The following PM20D2 variants were observed in gnomAD, a reference collection of about 807,000 sequenced individuals.
The protein encoded by PM20D2 is xaa-Arg dipeptidase.
A neutral mutation model predicts 42.9 loss-of-function variants in PM20D2; 33 were observed. The ratio of observed to expected loss-of-function variants is 0.77; its 90% CI spans 0.58 to 1.03. PM20D2 has a LOEUF of 1.03. PM20D2 is among the 50% of genes least tolerant of loss of function. The pLI is 0.00. For missense variants in PM20D2, 548 were observed against 557.0 expected, an observed-to-expected ratio of 0.98 and a Z score of 0.16; for synonymous variants, 250 against 228.2, an observed-to-expected ratio of 1.10 and a Z score of -0.86.
At chr6:89,137,184 T>C in the PM20D2 span, among the ~76,000 whole-genome samples, 2 of 144,904 alleles carry the variant, frequency 1.4e-5, no homozygotes, top group African/African-American at 5.8e-5. Context: ...AAATATACAG[T>C]GAAGCTAATA....
chr6:89,158,341 G>T lies in PM20D2; in HGVS notation c.929G>T (p.Gly310Val). ...TTTTATTAGGTGGAAATTAAAGGTG[G>T]AGCACATGATTATTACAATGTTCTT... ...ASGCTVEIKGGAHDYYNVLPN... is the reference protein window; with the variant it reads ...ASGCTVEIKGVAHDYYNVLPN... The change falls in exon 5 of 7, where the codon GGA becomes GTA. Residue 310 changes from glycine (G) to valine (V), a missense_variant. Transcript: ENST00000275072. 1 of 1,582,278 alleles carries T rather than the reference G, an allele frequency of 6.3e-7. No homozygotes were observed. The highest frequency in any genetic ancestry group is 1.2e-5 in the South Asian group (1 of 85,232).
At chr6:89,099,435 T>TACACAC in the PM20D2 span, among the ~76,000 whole-genome samples, 127 of 134,610 alleles carry the variant, frequency 9.4e-4, 1 homozygote, top group Middle Eastern at 3.6e-3. Flanking sequence ...TGTGTGTATA[T>TACACAC]ATATACACAT....
At chr6:89,145,814 A>T (rs1035302657), upstream of PM20D2, among the ~76,000 whole-genome samples, 3 of 152,238 alleles carry the variant, frequency 2.0e-5, no homozygotes, top group Non-Finnish European at 4.4e-5. Context: ...GTGGGAAATA[A>T]GCAACAACGG....
intron 1 of PM20D2, among the ~76,000 whole-genome samples, chr6:89,147,100 A>G (rs1770607997): frequency 6.6e-6 from 1 of 152,240 alleles, no homozygotes; most frequent in Admixed American, 6.5e-5. Context: ...TTTGGATAGG[A>G]ATTTTCAGTC....
Position 89,147,961 on chromosome 6 carries a change from C to T in PM20D2, c.466-1304C>T, listed in dbSNP as rs143765813. ...GTAGAACCGCCAAAAAAAAGCTAAA[C>T]TTTGAGAAATGTACACTCTTTTTTT... On this transcript the variant is annotated intron_variant, in intron 1 of 6. Transcript: ENST00000275072. 3.5e-3 allele frequency among the ~76,000 whole-genome samples: 510 copies of T among 144,406 alleles called. 5 individuals carry two copies. Among genetic ancestry groups the T allele is most frequent in the African/African-American group, 0.012 (476 of 39,156 alleles). 94.7% of individuals were successfully genotyped at this position (144,406 alleles called of 152,430 possible).
At chr6:89,104,986 G>A in the PM20D2 span, 2 of 850,570 alleles carry the variant, frequency 2.4e-6, no homozygotes, top group African/African-American at 1.7e-5. Context: ...AGTCTAGGAG[G>A]TCAAGTCTAC....
the PM20D2 span, among the ~76,000 whole-genome samples, chr6:89,130,810 C>CTGCTGCTGCTTTTTTTTTTTTT: frequency 1.7e-5 from 1 of 57,594 alleles, no homozygotes; most frequent in Admixed American, 1.9e-4. Flanking sequence ...TTGTATCTGG[C>CTGCTGCTGCTTTTTTTTTTTTT]TTCTTCTTCT....
chr6:89,129,254 C>T, the PM20D2 span, among the ~76,000 whole-genome samples: 1 of 151,782 alleles, frequency 6.6e-6, no homozygotes, highest in South Asian at 2.1e-4. Flanking sequence ...GGATCATGTC[C>T]AATCATGTGT....
At chr6:89,134,058 C>G in the PM20D2 span, among the ~76,000 whole-genome samples, 3 of 151,430 alleles carry the variant, frequency 2.0e-5, no homozygotes, top group Admixed American at 6.5e-5. Flanking sequence ...GGCTGAGGGT[C>G]TGGGCCACTT....
chr6:89,153,682 C>G (rs1770936301), intron 3 of PM20D2, among the ~76,000 whole-genome samples: 1 of 152,160 alleles, frequency 6.6e-6, no homozygotes, highest in African/African-American at 2.4e-5. Context: ...ACTGCAACTT[C>G]TGCTTCCTGG....
chr6:89,112,805 A>C, the PM20D2 span, among the ~76,000 whole-genome samples: 88 of 152,220 alleles, frequency 5.8e-4, no homozygotes, highest in Non-Finnish European at 1.1e-3. Flanking sequence ...GATGAACCAT[A>C]TATATCATGG....
chr6:89,117,854 G>C, the PM20D2 span: 1 of 1,562,004 alleles, frequency 6.4e-7, no homozygotes, highest in Non-Finnish European at 8.6e-7. Context: ...CTGATGAACA[G>C]GGAGGTGTTG....
intron 1 of PM20D2, among the ~76,000 whole-genome samples, chr6:89,148,084 G>A (rs1263789432): frequency 6.8e-6 from 1 of 147,132 alleles, no homozygotes; most frequent in Admixed American, 6.9e-5. Context: ...GGGTTCAGGC[G>A]ATCCTCGTGC....
intron 3 of PM20D2, among the ~76,000 whole-genome samples, chr6:89,154,010 GA>G (rs1344231774): frequency 6.6e-6 from 1 of 152,080 alleles, no homozygotes; most frequent in Non-Finnish European, 1.5e-5. Context: ...TATGATTTAG[GA>G]AATTGTTATA....
At chr6:89,125,479 CA>C in the PM20D2 span, among the ~76,000 whole-genome samples, 1 of 148,070 alleles carries the variant, frequency 6.8e-6, no homozygotes. Context: ...GACTCCGTCT[CA>C]AAAAAAAAAC....
At chr6:89,151,934 T>A (rs988724254) in intron 2 of PM20D2, among the ~76,000 whole-genome samples, 12 of 151,266 alleles carry the variant, frequency 7.9e-5, no homozygotes, top group Non-Finnish European at 4.4e-5. Flanking sequence ...CAAAAAAAAA[T>A]AAAAAATTAA....
chr6:89,146,191 GC>G lies in PM20D2; in HGVS notation c.49del (p.Arg17AlafsTer7), dbSNP rs941690378. 4.5e-6 allele frequency: 7 copies of G among 1,545,240 alleles called. No homozygotes were observed. The African/African-American group carries it at 9.9e-5, about 22-fold the overall frequency. On this transcript the variant is annotated frameshift_variant, in exon 1 of 7. Transcript: ENST00000275072. LOFTEE classifies it high-confidence loss of function. ...CCCGTGGAAGGGGGCGCGTGCAATG[GC>G]CGCTCCGAGCTGGAGCTACTGAAGC... ...ERPVEGGACN[G>X]RSELELLKLR...
chr6:89,126,061 G>C, the PM20D2 span, among the ~76,000 whole-genome samples: 1 of 151,936 alleles, frequency 6.6e-6, no homozygotes, highest in South Asian at 2.1e-4. Context: ...AATGCAGCCG[G>C]GGCGACAGAG....
intron 2 of PM20D2, among the ~76,000 whole-genome samples, chr6:89,151,166 A>G (rs1414922273): frequency 1.7e-5 from 2 of 120,034 alleles, no homozygotes; most frequent in Non-Finnish European, 1.8e-5. Flanking sequence ...AAAAAAAGAA[A>G]AAAAAAAAGA....
Sources: allele counts gnomAD v4.1 joint callset (sites outside exome capture counted in the v4.1 genomes callset), GRCh38; gene constraint gnomAD v4.1.1; transcripts MANE v1.5; gene names NCBI Gene and HGNC (gene_info 2026-07-23, HGNC 2026-07-21).